PAPSS1: variants seen among roughly 807,000 people sequenced by gnomAD.
PAPSS1 encodes bifunctional 3'-phosphoadenosine 5'-phosphosulfate synthase 1.
In PAPSS1, 50 loss-of-function variants were observed where a neutral mutation model predicts 72.0. The observed-to-expected ratio is 0.69, with a 90% CI of 0.55 to 0.88. The LOEUF (loss-of-function observed/expected upper bound fraction) is 0.88, where lower values mean the gene tolerates loss of function less well. PAPSS1 is among the 40% of genes least tolerant of loss of function. The pLI is 0.00. For synonymous variants in PAPSS1, 261 were observed against 263.6 expected (o/e 0.99, Z 0.09); for missense variants, 657 against 782.2 (o/e 0.84, Z 1.91).
At chr4:107,698,701 T>C (rs1205824191) in intron 2 of PAPSS1, among the ~76,000 whole-genome samples, 2 of 152,138 alleles carry the variant, frequency 1.3e-5, no homozygotes, top group Non-Finnish European at 2.9e-5. Flanking sequence ...TGTGGACAAG[T>C]CCGAGAGTTA....
chr4:107,642,774 A>G (rs1237844609), intron 10 of PAPSS1, among the ~76,000 whole-genome samples: 5 of 152,214 alleles, frequency 3.3e-5, no homozygotes, highest in Non-Finnish European at 7.3e-5. Flanking sequence ...AATCAGCACT[A>G]AAGGACCAAA....
intron 4 of PAPSS1, among the ~76,000 whole-genome samples, chr4:107,683,888 C>CT (rs1722700889): frequency 6.6e-6 from 1 of 150,748 alleles, no homozygotes; most frequent in Non-Finnish European, 1.5e-5. Flanking sequence ...CAAGTAAAAG[C>CT]TTTTTAAAAA....
intron 1 of PAPSS1, among the ~76,000 whole-genome samples, chr4:107,707,155 A>G (rs1723358928): frequency 6.6e-6 from 1 of 152,198 alleles, no homozygotes; most frequent in Non-Finnish European, 1.5e-5. Context: ...GGGTGGGGCT[A>G]CAGGGAATGG....
At chr4:107,664,602 AC>A (rs1727267487) in intron 5 of PAPSS1, among the ~76,000 whole-genome samples, 1 of 152,148 alleles carries the variant, frequency 6.6e-6, no homozygotes. Flanking sequence ...AGAACTCTGC[AC>A]TAACGAATGT....
intron 10 of PAPSS1, among the ~76,000 whole-genome samples, chr4:107,635,913 C>A (rs982066241): frequency 2.0e-5 from 3 of 152,242 alleles, no homozygotes; most frequent in Non-Finnish European, 4.4e-5. Context: ...TACACAGAGA[C>A]CCCTGGCTTA....
intron 1 of PAPSS1, among the ~76,000 whole-genome samples, chr4:107,718,680 A>G (rs1723697478): frequency 1.3e-5 from 2 of 152,276 alleles, no homozygotes; most frequent in Admixed American, 6.5e-5. Flanking sequence ...AAGTCTCTAC[A>G]TAGAATACGC....
intron 11 of PAPSS1, among the ~76,000 whole-genome samples, chr4:107,631,397 A>G (rs543932118): frequency 3.3e-3 from 507 of 152,346 alleles, no homozygotes; most frequent in South Asian, 0.011. Flanking sequence ...AGAAATAACA[A>G]TATTGTCCTT....
intron 3 of PAPSS1, among the ~76,000 whole-genome samples, chr4:107,688,456 T>A (rs1028907686): frequency 6.6e-6 from 1 of 152,148 alleles, no homozygotes; most frequent in South Asian, 2.1e-4. Flanking sequence ...ATCTTGTCTC[T>A]AAAAAAATTT....
At chr4:107,681,547 T>C (rs1722606766) in intron 5 of PAPSS1, among the ~76,000 whole-genome samples, 1 of 152,184 alleles carries the variant, frequency 6.6e-6, no homozygotes, top group African/African-American at 2.4e-5. Context: ...AAGGTCCTTA[T>C]GTCCTAGAAA....
intron 11 of PAPSS1, among the ~76,000 whole-genome samples, chr4:107,630,065 T>G (rs1415363630): frequency 6.6e-6 from 1 of 152,184 alleles, no homozygotes; most frequent in Non-Finnish European, 1.5e-5. Flanking sequence ...CAAAAAAGAC[T>G]ACATTGACAT....
intron 1 of PAPSS1, among the ~76,000 whole-genome samples, chr4:107,711,702 C>G (rs894339205): frequency 6.6e-6 from 1 of 151,972 alleles, no homozygotes; most frequent in Non-Finnish European, 1.5e-5. Context: ...CTGTAGAGAT[C>G]GTAACAATAT....
intron 5 of PAPSS1, among the ~76,000 whole-genome samples, chr4:107,678,825 T>G (rs992013411): frequency 6.6e-6 from 1 of 152,084 alleles, no homozygotes; most frequent in Non-Finnish European, 1.5e-5. Flanking sequence ...AGACCCTTCT[T>G]TCATATCCAC....
intron 1 of PAPSS1, among the ~76,000 whole-genome samples, chr4:107,704,962 A>AT (rs1723298374): frequency 6.6e-6 from 1 of 151,612 alleles, no homozygotes. Flanking sequence ...AAAAAAAAAA[A>AT]GAAAAAATTG....
intron 5 of PAPSS1, among the ~76,000 whole-genome samples, chr4:107,678,424 C>G (rs1019240232): frequency 5.3e-5 from 8 of 151,832 alleles, no homozygotes; most frequent in African/African-American, 1.7e-4. Context: ...AGCCAATCTA[C>G]AATCATAAAC....
chr4:107,651,627 C>T (rs528723321), intron 9 of PAPSS1, among the ~76,000 whole-genome samples: 8 of 152,118 alleles, frequency 5.3e-5, no homozygotes, highest in Non-Finnish European at 8.8e-5. Flanking sequence ...AGGGGAAGCC[C>T]CTTATAAAAC....
At chr4:107,673,509 GA>G (rs1272196116) in intron 5 of PAPSS1, among the ~76,000 whole-genome samples, 1 of 151,958 alleles carries the variant, frequency 6.6e-6, no homozygotes, top group African/African-American at 2.4e-5. Flanking sequence ...GAAGTTTAGA[GA>G]AAAAAAGAAT....
chr4:107,694,751 C>T (rs550019042), intron 2 of PAPSS1, among the ~76,000 whole-genome samples: 1 of 152,220 alleles, frequency 6.6e-6, no homozygotes, highest in South Asian at 2.1e-4. Context: ...AATAGAACAC[C>T]CTCATTTCAA....
intron 5 of PAPSS1, among the ~76,000 whole-genome samples, chr4:107,669,802 A>G (rs1286412088): frequency 2.0e-5 from 3 of 152,224 alleles, no homozygotes; most frequent in Admixed American, 6.5e-5. Flanking sequence ...TTTTCAAAAG[A>G]AAATTTCTCT....
At chr4:107,673,994 T>C (rs1225317885) in intron 5 of PAPSS1, among the ~76,000 whole-genome samples, 1 of 152,062 alleles carries the variant, frequency 6.6e-6, no homozygotes, top group African/African-American at 2.4e-5. Context: ...GACAAGCAAA[T>C]GCTAAGAGAT....
Sources: allele counts gnomAD v4.1 joint callset (sites outside exome capture counted in the v4.1 genomes callset), GRCh38; gene constraint gnomAD v4.1.1; transcripts MANE v1.5; gene names NCBI Gene and HGNC (gene_info 2026-07-23, HGNC 2026-07-21).